LPCAT2: variants seen among roughly 807,000 people sequenced by gnomAD.
The protein encoded by LPCAT2 is 1-AGP acyltransferase 11.
LPCAT2 carries 58 observed loss-of-function variants against 64.7 expected under a neutral mutation model. The ratio of observed to expected loss-of-function variants is 0.90; its 90% CI spans 0.73 to 1.12. LPCAT2 has a LOEUF of 1.12. LPCAT2 is among the 50% of genes most tolerant of loss of function. The probability of loss-of-function intolerance (pLI) is 0.00; values close to 1 mark genes in which losing one functional copy is unlikely to be tolerated. For synonymous variants in LPCAT2, 252 were observed against 245.3 expected, an observed-to-expected ratio of 1.03 and a Z score of -0.26; for missense variants, 579 against 669.8, an observed-to-expected ratio of 0.86 and a Z score of 1.50.
Position 55,583,694 on chromosome 16 carries a change from GT to G in LPCAT2, c.*602del. ...CTATTGTAGTTTTTTGTTTTGTTTT[GT>G]TTTTTGAGATGGAGTCTTGCTCTGT... On this transcript the variant is annotated 3_prime_UTR_variant, in exon 14 of 14. Transcript: ENST00000262134. 1 of 153,166 alleles carries G rather than the reference GT, an allele frequency of 6.5e-6. No individual in the cohort carries two copies. Among genetic ancestry groups the G allele is most frequent in the Non-Finnish European group, 1.5e-5 (1 of 68,952 alleles). The allele number at this position is 153,166 out of a possible 1,614,324, so 9.5% of individuals were successfully genotyped here.
At chr16:55,566,081 A>C (rs778054487) in intron 11 of LPCAT2, among the ~76,000 whole-genome samples, 1 of 152,164 alleles carries the variant, frequency 6.6e-6, no homozygotes, top group Non-Finnish European at 1.5e-5. Context: ...TGAGCTATCC[A>C]TTTGTGATTT....
intron 10 of LPCAT2, among the ~76,000 whole-genome samples, chr16:55,549,878 A>C (rs535924910): frequency 5.8e-4 from 89 of 152,272 alleles, no homozygotes; most frequent in Non-Finnish European, 1.0e-3. Flanking sequence ...AAAGGCAAAA[A>C]TCTTCTTCCT....
Position 55,528,394 on chromosome 16 carries a change from C to G in LPCAT2, c.329C>G (p.Ala110Gly). Residue 110 changes from alanine to glycine, a missense_variant, in exon 3 of 14, where the codon GCT (alanine) becomes GGT (glycine). Transcript: ENST00000262134. ...TGWRRKITQT[A>G]LKFLGRAMFF... ...TTTCAAAGGAAAATTACTCAAACAG[C>G]TTTGAAATTTCTGGGTCGTGCTATG... 1.9e-6 allele frequency: 3 copies of G among 1,613,372 alleles called. No homozygotes were observed. Among genetic ancestry groups the G allele is most frequent in the Non-Finnish European group, 2.5e-6 (3 of 1,179,676 alleles).
At chr16:55,518,825 T>C (rs1381881810) in intron 1 of LPCAT2, among the ~76,000 whole-genome samples, 4 of 152,158 alleles carry the variant, frequency 2.6e-5, no homozygotes, top group Non-Finnish European at 5.9e-5. Flanking sequence ...CATAAAATGC[T>C]TAGAAGAGAA....
chr16:55,517,443 A>G (rs1963028704), intron 1 of LPCAT2, among the ~76,000 whole-genome samples: 1 of 152,128 alleles, frequency 6.6e-6, no homozygotes, highest in Admixed American at 6.5e-5. Flanking sequence ...ATCCTTCACA[A>G]GCTCTTCCAA....
rs747796212 is a variant in LPCAT2 at position 55,579,225 on chromosome 16, A to G, written c.1431A>G (p.Gln477=). 5 of 1,612,876 alleles carry G rather than the reference A, an allele frequency of 3.1e-6. No individual in the cohort carries two copies. The African/African-American group carries it at 4.0e-5, about 13-fold the overall frequency. The change falls in exon 13 of 14, where the codon CAA becomes CAG. Residue 477 remains glutamine, a synonymous_variant. Transcript: ENST00000262134. The part of the protein sequence containing the change: ...DVSGLFKEIA[Q]GDSISYEEFK... ...CTGGTCTCTTCAAGGAAATAGCCCA[A>G]GGGGACTCAATTTCCTATGGTGAGT...
rs1962886397 is a variant in LPCAT2, at chr16:55,509,259, GC to G, written c.81del (p.Met28TrpfsTer48). On this transcript the variant is annotated frameshift_variant, in exon 1 of 14. Coordinates refer to ENST00000262134, the MANE Select transcript of LPCAT2 (RefSeq NM_017839.5). LOFTEE classifies it high-confidence loss of function. The stretch of plus-strand genomic sequence containing the variant: ...GCGTCGGGAACGTGGGGCTGCGGCC[GC>G]CCATGGTGCCCCGTCAGGCGTCCTT... ...AGVGNVGLRP[P>X]MVPRQASFFP... The G allele has an allele frequency of 6.7e-7, 1 of 1,500,686 alleles. No individual in the cohort carries two copies. The highest frequency in any genetic ancestry group is 8.9e-7 in the Non-Finnish European group (1 of 1,118,142). The allele number at this position is 1,500,686 out of a possible 1,614,324, so 93.0% of individuals were successfully genotyped here. A position where few individuals can be genotyped will look rare whatever the true frequency, so the allele number is the denominator to read the frequency against.
In LPCAT2 at chr16:55,574,689, A is replaced by T. The variant is rs761896134; in HGVS notation, c.1274A>T (p.Asn425Ile). 14 of 1,613,554 alleles carry T rather than the reference A, an allele frequency of 8.7e-6. No homozygotes were observed. The South Asian group carries it at 1.5e-4, about 18-fold the overall frequency. Residue 425 changes from asparagine (N) to isoleucine (I), a missense_variant, in exon 12 of 14, where the codon AAC becomes ATC. Physicochemically the swap from Asn to Ile is moderately radical, Grantham distance 149. Transcript: ENST00000262134. ...GTGATTGGCCTGGCTGTCTTGTGCAACCCTTCCAACACAGAGGAGATCATC... is the reference window on the plus strand; with the variant it reads ...GTGATTGGCCTGGCTGTCTTGTGCATCCCTTCCAACACAGAGGAGATCATC... Reference protein sequence around the residue: ...EYVIGLAVLCNPSNTEEIIQV... With the variant: ...EYVIGLAVLCIPSNTEEIIQV...
Position 55,549,415 on chromosome 16 carries a change from T to G in LPCAT2, c.1061+13T>G, listed in dbSNP as rs774534230. 6 of 1,579,300 alleles carry G rather than the reference T, an allele frequency of 3.8e-6. No individual in the cohort carries two copies. The East Asian group carries it at 1.4e-4, about 36-fold the overall frequency. On this transcript the variant is annotated intron_variant, in intron 10 of 13. Transcript: ENST00000262134. ...GCCGAAAATTGAAGTAAGTGTATTT[T>G]AAAATGACTACACTTTCATAAAGTT...
chr16:55,542,572 C>A, intron 8 of LPCAT2, among the ~76,000 whole-genome samples: 1 of 151,862 alleles, frequency 6.6e-6, no homozygotes, highest in African/African-American at 2.4e-5. Flanking sequence ...GGAGAGGTGG[C>A]TGAGGATGTG....
At chr16:55,527,498 G>T (rs1374858478) in intron 2 of LPCAT2, among the ~76,000 whole-genome samples, 1 of 141,066 alleles carries the variant, frequency 7.1e-6, no homozygotes, top group South Asian at 2.3e-4. Context: ...AAAAAAAAAA[G>T]CTCTCATTAG....
intron 7 of LPCAT2, among the ~76,000 whole-genome samples, chr16:55,535,036 T>C (rs567733569): frequency 6.6e-6 from 1 of 152,208 alleles, no homozygotes; most frequent in Non-Finnish European, 1.5e-5. Flanking sequence ...TTAAGCAAGC[T>C]GATGTGAAGT....
At chr16:55,515,341 T>C (rs1962995841) in intron 1 of LPCAT2, among the ~76,000 whole-genome samples, 1 of 151,812 alleles carries the variant, frequency 6.6e-6, no homozygotes, top group Admixed American at 6.6e-5. Context: ...GGATGACATA[T>C]TCAAAGCGCT....
In LPCAT2 at chr16:55,567,365, T is replaced by G. The variant is rs765816811; in HGVS notation, c.1216-7266T>G. On this transcript the variant is annotated intron_variant, in intron 11 of 13. Coordinates refer to ENST00000262134, the MANE Select transcript of LPCAT2 (RefSeq NM_017839.5). ...GCCGGTATGCTAATGAAGATGGAGA[T>G]ATGGATTTTAACAATTTCATCAGCT... The G allele has an allele frequency of 3.7e-6, 6 of 1,613,628 alleles. No homozygotes were observed. In the East Asian group the frequency reaches 1.1e-4, roughly 30 times the overall value.
intron 1 of LPCAT2, among the ~76,000 whole-genome samples, chr16:55,523,783 C>T (rs1963131508): frequency 6.6e-6 from 1 of 151,712 alleles, no homozygotes; most frequent in African/African-American, 2.4e-5. Context: ...GTAGTAATTG[C>T]AAAGGGCAAA....
At chr16:55,574,072 G>A (rs1963800445) in intron 11 of LPCAT2, among the ~76,000 whole-genome samples, 1 of 152,118 alleles carries the variant, frequency 6.6e-6, no homozygotes, top group Non-Finnish European at 1.5e-5. Context: ...CTGGGGTGAT[G>A]TCCCCCAGGG....
At chr16:55,525,775 G>C (rs1054308183) in intron 2 of LPCAT2, 128 bp downstream of exon 2, 34 of 507,320 alleles carry the variant, frequency 6.7e-5, no homozygotes, top group Non-Finnish European at 1.0e-4. Context: ...TATTTTATCT[G>C]CCTACTCAAT....
intron 1 of LPCAT2, among the ~76,000 whole-genome samples, chr16:55,516,144 G>T (rs1167088724): frequency 3.9e-5 from 6 of 152,030 alleles, no homozygotes; most frequent in Non-Finnish European, 8.8e-5. Flanking sequence ...TCACTCTGTC[G>T]CCCAGGCTGG....
intron 8 of LPCAT2, 75 bp downstream of exon 8, chr16:55,537,707 G>A (rs908718954): frequency 8.1e-7 from 1 of 1,240,448 alleles, no homozygotes; most frequent in Non-Finnish European, 1.2e-6. Flanking sequence ...AGTCTAGAGA[G>A]ACCAGATATA....
Sources: gnomAD v4.1 joint callset for allele counts (sites outside exome capture counted in the v4.1 genomes callset) on GRCh38, gnomAD v4.1.1 for gene constraint, MANE v1.5 for transcripts, NCBI Gene and HGNC (gene_info 2026-07-23, HGNC 2026-07-21) for gene names.